DYM: variants seen among roughly 807,000 people sequenced by gnomAD.
DYM encodes dyggve-Melchior-Clausen syndrome protein.
Under a neutral mutation model 93.1 loss-of-function variants are expected in DYM, and 78 were observed. The ratio of observed to expected loss-of-function variants is 0.84; its 90% CI spans 0.70 to 1.01. The LOEUF (loss-of-function observed/expected upper bound fraction) is 1.01. Among genes scored for constraint, DYM ranks in the 50% least tolerant of loss-of-function variants. The pLI is 0.00. For synonymous variants in DYM, 321 were observed against 319.7 expected (o/e 1.00, Z -0.04); for missense variants, 789 against 845.0 (o/e 0.93, Z 0.82).
chr18:49,258,861 G>GCAC (rs2094442678), intron 11 of DYM, among the ~76,000 whole-genome samples: 14 of 112,324 alleles, frequency 1.2e-4, no homozygotes, highest in African/African-American at 3.8e-4. Context: ...GAGAGAGAGA[G>GCAC]AGAGAGAGAG....
At chr18:49,268,049 A>G (rs1163100313) in intron 11 of DYM, among the ~76,000 whole-genome samples, 5 of 152,244 alleles carry the variant, frequency 3.3e-5, no homozygotes, top group Non-Finnish European at 7.3e-5. Context: ...TGAATCTACA[A>G]TTATTTCAAA....
intron 15 of DYM, among the ~76,000 whole-genome samples, chr18:49,157,167 CCAGA>C (rs2086560189): frequency 6.6e-6 from 1 of 152,054 alleles, no homozygotes. Context: ...CCAGATGTTC[CCAGA>C]CAGATTAGAA....
At chr18:49,139,675 A>C (rs1324633970) in intron 15 of DYM, among the ~76,000 whole-genome samples, 2 of 152,214 alleles carry the variant, frequency 1.3e-5, no homozygotes, top group Admixed American at 1.3e-4. Context: ...CTATCATTAA[A>C]ATGAAGAAAA....
chr18:49,307,103 C>A (rs1226113152), intron 8 of DYM, among the ~76,000 whole-genome samples: 1 of 151,856 alleles, frequency 6.6e-6, no homozygotes, highest in African/African-American at 2.4e-5. Flanking sequence ...ATCACTTCTG[C>A]AAATAATTCA....
chr18:49,251,628 C>A (rs772185020), intron 13 of DYM, among the ~76,000 whole-genome samples: 29 of 152,098 alleles, frequency 1.9e-4, no homozygotes, highest in Non-Finnish European at 3.8e-4. Flanking sequence ...TGTGCGAGGC[C>A]GTTACAAATG....
At chr18:49,317,910 T>C (rs2062140010) in intron 8 of DYM, among the ~76,000 whole-genome samples, 1 of 151,894 alleles carries the variant, frequency 6.6e-6, no homozygotes, top group Admixed American at 6.6e-5. Context: ...AATAAGCAAC[T>C]CCTGCTTATA....
chr18:49,057,545 G>A (rs992812977), intron 17 of DYM, among the ~76,000 whole-genome samples: 3 of 152,156 alleles, frequency 2.0e-5, no homozygotes, highest in South Asian at 2.1e-4. Context: ...CCCAGGAGTC[G>A]CCCTGCCCCA....
intron 5 of DYM, among the ~76,000 whole-genome samples, chr18:49,367,916 TAA>T (rs1231596074): frequency 7.2e-5 from 11 of 152,064 alleles, no homozygotes; most frequent in Non-Finnish European, 4.4e-5. Flanking sequence ...ATTCAGAAAA[TAA>T]AAGACTCACG....
chr18:49,381,028 G>A (rs182500269), intron 3 of DYM, among the ~76,000 whole-genome samples: 108 of 151,838 alleles, frequency 7.1e-4, no homozygotes, highest in African/African-American at 2.3e-3. Flanking sequence ...ACAGGGTCTC[G>A]GTCTACCACC....
intron 2 of DYM, among the ~76,000 whole-genome samples, chr18:49,400,967 T>C (rs2070744604): frequency 6.6e-6 from 1 of 152,086 alleles, no homozygotes; most frequent in Non-Finnish European, 1.5e-5. Context: ...AAAAGTAAAA[T>C]GGTACTGTAA....
chr18:49,222,198 AC>A (rs2093389417), intron 13 of DYM, among the ~76,000 whole-genome samples: 1 of 152,102 alleles, frequency 6.6e-6, no homozygotes, highest in South Asian at 2.1e-4. Flanking sequence ...AAAGAGAAAA[AC>A]ATTATATTTA....
chr18:49,273,714 T>G (rs960804202), intron 10 of DYM, among the ~76,000 whole-genome samples: 1 of 152,058 alleles, frequency 6.6e-6, no homozygotes, highest in Non-Finnish European at 1.5e-5. Flanking sequence ...TAGGTTTGTG[T>G]AAGTACATGC....
intron 13 of DYM, among the ~76,000 whole-genome samples, chr18:49,220,378 T>C (rs1426864324): frequency 1.3e-5 from 2 of 149,772 alleles, no homozygotes; most frequent in East Asian, 2.0e-4. Flanking sequence ...TACCAATGAC[T>C]TTCTTCACAG....
chr18:49,460,375 A>AG (rs980933609), intron 1 of DYM, 23 bp downstream of exon 1: 32 of 151,976 alleles, frequency 2.1e-4, no homozygotes, highest in Middle Eastern at 3.4e-3. Flanking sequence ...GGCCGCGCTG[A>AG]GGGGGGCGGC....
chr18:49,375,454 C>T (rs2067420110), intron 5 of DYM, among the ~76,000 whole-genome samples: 1 of 151,892 alleles, frequency 6.6e-6, no homozygotes, highest in African/African-American at 2.4e-5. Flanking sequence ...CCCTATCCCC[C>T]AAAGTTAATG....
chr18:49,129,853 G>A (rs1258212174), intron 15 of DYM, among the ~76,000 whole-genome samples: 2 of 152,108 alleles, frequency 1.3e-5, no homozygotes, highest in African/African-American at 4.8e-5. Context: ...TGTAGCACAG[G>A]CAAATTTTCA....
chr18:49,106,791 G>A (rs2080862708), intron 16 of DYM, among the ~76,000 whole-genome samples: 1 of 152,218 alleles, frequency 6.6e-6, no homozygotes, highest in Non-Finnish European at 1.5e-5. Flanking sequence ...AGTCTGATGG[G>A]CTTCCCTTTG....
chr18:49,246,206 G>A (rs1366760175), intron 13 of DYM, among the ~76,000 whole-genome samples: 4 of 152,144 alleles, frequency 2.6e-5, no homozygotes, highest in African/African-American at 9.7e-5. Flanking sequence ...CTCTCCTAAG[G>A]AAGCATTCTC....
chr18:49,314,505 A>C (rs1002007226), intron 8 of DYM, among the ~76,000 whole-genome samples: 1 of 152,236 alleles, frequency 6.6e-6, no homozygotes, highest in African/African-American at 2.4e-5. Context: ...TGTGTTAAAG[A>C]GTAGATACAT....
Sources: gnomAD v4.1 joint callset for allele counts (sites outside exome capture counted in the v4.1 genomes callset) on GRCh38, gnomAD v4.1.1 for gene constraint, MANE v1.5 for transcripts, NCBI Gene and HGNC (gene_info 2026-07-23, HGNC 2026-07-21) for gene names.